The following CHD6 variants were observed in gnomAD, a reference collection of about 807,000 sequenced individuals.
CHD6 encodes ATP-dependent chromatin remodeler CHD6.
In CHD6, 50 loss-of-function variants were observed where a neutral mutation model predicts 276.9. That is an observed-to-expected ratio of 0.18 (90% CI 0.14 to 0.23). The LOEUF is 0.23. Ranked by LOEUF, CHD6 falls within the 10% of genes least tolerant of loss-of-function variation. The pLI is 1.00. For synonymous variants in CHD6, 1,173 were observed against 1,229.3 expected, an observed-to-expected ratio of 0.95 and a Z score of 0.96; for missense variants, 2,564 against 3,365.8, an observed-to-expected ratio of 0.76 and a Z score of 5.89.
chr20:41,602,451 T>A (rs1198332744), intron 1 of CHD6, among the ~76,000 whole-genome samples: 1 of 152,110 alleles, frequency 6.6e-6, no homozygotes, highest in Admixed American at 6.5e-5. Flanking sequence ...CACCAAGGAG[T>A]AAAACTGCCA....
intron 5 of CHD6, among the ~76,000 whole-genome samples, chr20:41,510,081 C>T (rs898521877): frequency 2.0e-5 from 3 of 152,178 alleles, no homozygotes; most frequent in Non-Finnish European, 4.4e-5. Flanking sequence ...TGACTCCATC[C>T]CCTTCTCTGC....
At chr20:41,476,287 CA>C (rs1466531986) in intron 16 of CHD6, among the ~76,000 whole-genome samples, 1 of 152,030 alleles carries the variant, frequency 6.6e-6, no homozygotes, top group Non-Finnish European at 1.5e-5. Flanking sequence ...TGATATGGTT[CA>C]AACTGTAATT....
At chr20:41,564,189 G>T (rs745492912) in intron 1 of CHD6, 1 of 672,386 alleles carries the variant, frequency 1.5e-6, no homozygotes. Flanking sequence ...ATTGAAATGA[G>T]AAGCCATCTA....
intron 2 of CHD6, among the ~76,000 whole-genome samples, chr20:41,540,482 G>A (rs2044920155): frequency 1.3e-5 from 2 of 152,040 alleles, no homozygotes; most frequent in Admixed American, 6.6e-5. Flanking sequence ...TATAATAAGC[G>A]GGAAAAACTG....
At chr20:41,507,817 C>T (rs1227668177) in intron 5 of CHD6, among the ~76,000 whole-genome samples, 4 of 151,838 alleles carry the variant, frequency 2.6e-5, no homozygotes, top group Non-Finnish European at 4.4e-5. Flanking sequence ...AACTTTTAAC[C>T]CTATTTACCT....
chr20:41,578,111 A>C (rs1207466932), intron 1 of CHD6, among the ~76,000 whole-genome samples: 1 of 152,202 alleles, frequency 6.6e-6, no homozygotes, highest in African/African-American at 2.4e-5. Context: ...CATACTCCTC[A>C]ACCAAATAAA....
chr20:41,479,999 T>C (rs1437651831), intron 16 of CHD6, among the ~76,000 whole-genome samples: 1 of 152,204 alleles, frequency 6.6e-6, no homozygotes, highest in African/African-American at 2.4e-5. Flanking sequence ...CAAAATTCTG[T>C]AGGGAAATGA....
chr20:41,520,712 CTAA>C (rs938806602), intron 3 of CHD6, among the ~76,000 whole-genome samples: 6 of 151,606 alleles, frequency 4.0e-5, no homozygotes, highest in African/African-American at 1.5e-4. Flanking sequence ...GGAGATATAA[CTAA>C]TGTTAAATGA....
intron 5 of CHD6, among the ~76,000 whole-genome samples, chr20:41,501,222 T>C (rs970091663): frequency 1.3e-5 from 2 of 152,242 alleles, no homozygotes; most frequent in Non-Finnish European, 2.9e-5. Flanking sequence ...ATGTCTAGTC[T>C]TAATCATGAA....
At chr20:41,427,139 C>G (rs1226838658) in intron 27 of CHD6, among the ~76,000 whole-genome samples, 1 of 151,462 alleles carries the variant, frequency 6.6e-6, no homozygotes, top group African/African-American at 2.4e-5. Flanking sequence ...ATATGGCCTT[C>G]TAGCCCAGGG....
Position 41,416,700 on chromosome 20 carries a change from A to G in CHD6, c.6374T>C (p.Leu2125Pro). The G allele has an allele frequency of 6.2e-7, 1 of 1,614,088 alleles. No individual in the cohort carries two copies. Among genetic ancestry groups the G allele is most frequent in the Non-Finnish European group, 8.5e-7 (1 of 1,179,984 alleles). The stretch of plus-strand genomic sequence containing the variant: ...ACTGCTGGTTAATACCGGGGTGGGC[A>G]GTGTGCCTGAGGGCTCATACTGCTG... ...SSQQYEPSGTLPTPVLTSSAG... is the reference protein window; with the variant it reads ...SSQQYEPSGTPPTPVLTSSAG... Residue 2125 changes from leucine to proline, a missense_variant, in exon 33 of 37, where the codon CTG (leucine) becomes CCG (proline). Physicochemically the swap from Leu to Pro is moderately conservative, Grantham distance 98. Around this residue, in one of 7 missense-constraint regions of CHD6, gnomAD observed 1,024 missense variants for 1,047.9 expected, o/e 0.98. Coordinates refer to ENST00000373233, the MANE Select transcript of CHD6 (RefSeq NM_032221.5).
chr20:41,477,977 A>G (rs1489144081), intron 16 of CHD6, among the ~76,000 whole-genome samples: 1 of 152,214 alleles, frequency 6.6e-6, no homozygotes, highest in East Asian at 1.9e-4. Context: ...GAAAAGGGGA[A>G]AAGAGACAGA....
intron 17 of CHD6, among the ~76,000 whole-genome samples, chr20:41,468,043 T>C (rs1189246427): frequency 6.6e-6 from 1 of 150,840 alleles, no homozygotes; most frequent in Non-Finnish European, 1.5e-5. Context: ...TGCTCAAATG[T>C]CATCTTCTTA....
At chr20:41,484,686 A>G in intron 14 of CHD6, 79 bp from the exon 15 acceptor site, 1 of 1,469,778 alleles carries the variant, frequency 6.8e-7, no homozygotes, top group Non-Finnish European at 9.4e-7. Flanking sequence ...CTTCACTCTA[A>G]TTTCTTGAAC....
intron 1 of CHD6, among the ~76,000 whole-genome samples, chr20:41,556,672 T>G (rs567110375): frequency 5.9e-5 from 9 of 152,264 alleles, no homozygotes; most frequent in African/African-American, 2.2e-4. Flanking sequence ...AAATCTCATG[T>G]TACTGTCAAA....
chr20:41,438,263 T>C lies in CHD6; in HGVS notation c.4008-929A>G, dbSNP rs185960773. ...TCTCTTTTGTGAGCTTAACTACTGC[T>C]GATGCCTACCTGTTTTTCATGATTC... On this transcript the variant is annotated intron_variant, in intron 26 of 36. Coordinates refer to ENST00000373233, the MANE Select transcript of CHD6 (RefSeq NM_032221.5). Among the ~76,000 whole-genome samples the C allele has an allele frequency of 2.0e-5, 3 of 152,290 alleles. No homozygotes were observed. In the East Asian group the frequency reaches 5.8e-4, roughly 29 times the overall value.
In CHD6 at chr20:41,452,874, G is replaced by T. The variant is rs748974589; in HGVS notation, c.3189C>A (p.Asp1063Glu). The T allele has an allele frequency of 6.2e-7, 1 of 1,613,526 alleles. No individual in the cohort carries two copies. ...CTAACTCTGAAAACTCCATGAGCTC[G>T]TCTTCCTCAAACGAGTTGTAGTGTT... ...QTKHYNSFEE[D>E]ELMEFSELDS... The change falls in exon 21 of 37, where the codon GAC (aspartate) becomes GAA (glutamate). Residue 1063 changes from aspartate to glutamate, a missense_variant. By Grantham distance (45) the Asp-to-Glu change is conservative. Transcript: ENST00000373233. The surrounding 1 kb of genome is among the most constrained non-coding windows in gnomAD (Gnocchi z 4.2).
intron 1 of CHD6, among the ~76,000 whole-genome samples, chr20:41,617,755 G>A (rs1015934798): frequency 2.6e-5 from 4 of 151,952 alleles, no homozygotes; most frequent in African/African-American, 7.2e-5. Context: ...GGGGGTGCGC[G>A]ATCCGAGGCC....
In CHD6 at chr20:41,457,188, G is replaced by T. The variant is rs1291299328; in HGVS notation, c.2829+76C>A. On this transcript the variant is annotated intron_variant, in intron 18 of 36. Transcript: ENST00000373233. ...TGCAGCGAAAGTGAACCCTTAAACA[G>T]CTGTAAGAAGAGAAGCCTGTCTGGG... 4 of 1,525,020 alleles carry T rather than the reference G, an allele frequency of 2.6e-6. No individual in the cohort carries two copies. In the South Asian group the frequency reaches 3.7e-5, roughly 14 times the overall value. 94.5% of individuals were successfully genotyped at this position (1,525,020 alleles called of 1,614,324 possible). A position where few individuals can be genotyped will look rare whatever the true frequency, so the allele number is the denominator to read the frequency against.
Sources: gnomAD v4.1 joint callset for allele counts (sites outside exome capture counted in the v4.1 genomes callset) on GRCh38, gnomAD v4.1.1 for gene constraint, gnomAD v4.1.1 regional missense constraint, Gnocchi (gnomAD v3.1) non-coding constraint, MANE v1.5 for transcripts, NCBI Gene and HGNC (gene_info 2026-07-23, HGNC 2026-07-21) for gene names.